Variants in SRFBP1 observed in about 807,000 individuals in gnomAD.
SRFBP1 encodes serum response factor binding protein 1.
Under a neutral mutation model 45.5 loss-of-function variants are expected in SRFBP1, and 47 were observed. The ratio of observed to expected loss-of-function variants is 1.03; its 90% confidence interval spans 0.82 to 1.32. The LOEUF is 1.32. Ranked by LOEUF, SRFBP1 falls within the 40% of genes most tolerant of loss-of-function variation. SRFBP1 has a pLI of 0.00. For missense variants in SRFBP1, 621 were observed against 484.6 expected (o/e 1.28, Z -2.64); for synonymous variants, 203 against 166.3 (o/e 1.22, Z -1.70).
intron 2 of SRFBP1, among the ~76,000 whole-genome samples, chr5:122,061,831 A>G (rs533621017): frequency 9.2e-5 from 14 of 152,150 alleles, no homozygotes; most frequent in African/African-American, 2.4e-4. Context: ...AGTTTTTTAG[A>G]AAGTGAAGCA....
chr5:122,024,857 A>G (rs1056092758), intron 7 of SRFBP1, among the ~76,000 whole-genome samples: 1 of 152,068 alleles, frequency 6.6e-6, no homozygotes, highest in African/African-American at 2.4e-5. Context: ...TACATATACA[A>G]CTCTATGTAA....
At chr5:122,019,907 A>T (rs1251810052) in intron 5 of SRFBP1, among the ~76,000 whole-genome samples, 181 bp from the exon 6 acceptor site, 1 of 152,084 alleles carries the variant, frequency 6.6e-6, no homozygotes, top group Non-Finnish European at 1.5e-5. Context: ...AGCATATCTT[A>T]TGTTTGGTTT....
At chr5:122,068,957 C>T (rs1268115882) in intron 2 of SRFBP1, among the ~76,000 whole-genome samples, 1 of 152,046 alleles carries the variant, frequency 6.6e-6, no homozygotes, top group Non-Finnish European at 1.5e-5. Context: ...GTTGGTTCTA[C>T]TATAACCAAC....
At chr5:121,995,761 G>A (rs933832668) in intron 4 of SRFBP1, among the ~76,000 whole-genome samples, 48 of 151,544 alleles carry the variant, frequency 3.2e-4, no homozygotes, top group South Asian at 1.0e-3. Flanking sequence ...TTGATAGACC[G>A]CTAGCAAGAC....
intron 3 of SRFBP1, among the ~76,000 whole-genome samples, chr5:121,990,824 T>C (rs1221396968): frequency 1.3e-5 from 2 of 152,210 alleles, no homozygotes; most frequent in Non-Finnish European, 2.9e-5. Flanking sequence ...CTACATGTCT[T>C]ATTGCCTGAC....
At chr5:121,987,152 G>A (rs1354022472) in intron 3 of SRFBP1, among the ~76,000 whole-genome samples, 1 of 152,074 alleles carries the variant, frequency 6.6e-6, no homozygotes, top group East Asian at 1.9e-4. Flanking sequence ...GAACGTAGGA[G>A]TAGGATAATG....
Position 121,961,989 on chromosome 5 carries a change from CG to C in SRFBP1, c.-42del. ...GCGACGCAGCCGCGGTCTGAGAGAC[CG>C]GTTCACGTGCAGGCAGCGGCGGATC... is the stretch of plus-strand genomic sequence containing the variant. On this transcript the variant is annotated 5_prime_UTR_variant, in exon 1 of 8. Transcript: ENST00000339397. 6.2e-7 allele frequency: 1 copy of C among 1,613,272 alleles called. No individual in the cohort carries two copies. Among genetic ancestry groups the C allele is most frequent in the Non-Finnish European group, 8.5e-7 (1 of 1,179,760 alleles).
chr5:121,976,200 G>C (rs1448192323), intron 3 of SRFBP1, among the ~76,000 whole-genome samples: 1 of 151,976 alleles, frequency 6.6e-6, no homozygotes, highest in Non-Finnish European at 1.5e-5. Context: ...GGATAGTAAA[G>C]TGTTTAATAG....
chr5:122,011,843 TA>T (rs1381368070), intron 4 of SRFBP1, among the ~76,000 whole-genome samples: 1 of 151,988 alleles, frequency 6.6e-6, no homozygotes, highest in Non-Finnish European at 1.5e-5. Context: ...CCCAGTGCAG[TA>T]AGCAAGGTGC....
At chr5:122,018,392 TA>T (rs1753229175) in intron 4 of SRFBP1, among the ~76,000 whole-genome samples, 1 of 152,162 alleles carries the variant, frequency 6.6e-6, no homozygotes, top group South Asian at 2.1e-4. Flanking sequence ...TGGTTCTGGA[TA>T]TATTTTACAT....
downstream of SRFBP1, chr5:122,077,971 C>A: frequency 6.8e-7 from 1 of 1,462,998 alleles, no homozygotes; most frequent in South Asian, 1.5e-5. The surrounding 1 kb of genome is among the most constrained non-coding windows in gnomAD (Gnocchi z 4.9). Context: ...GGAGCACGGT[C>A]CAGGCGAAGC....
At chr5:122,070,394 T>A (rs980340419) in intron 2 of SRFBP1, 3 of 698,188 alleles carry the variant, frequency 4.3e-6, no homozygotes, top group African/African-American at 1.8e-5. Context: ...TGAGGATGTA[T>A]AATTGCTTCC....
Position 122,020,313 on chromosome 5 carries a change from A to G in SRFBP1, c.578A>G (p.His193Arg), listed in dbSNP as rs769393744. The G allele has an allele frequency of 5.6e-6, 9 of 1,613,336 alleles. No homozygotes were observed. The Admixed American group carries it at 6.7e-5, about 12-fold the overall frequency. ...NSKEKIAKME[H>R]GPKAVTIANS... The stretch of plus-strand genomic sequence containing the variant: ...AAGGAAAAAATAGCAAAGATGGAAC[A>G]TGGACCTAAAGCAGTGACTATTGCA... Residue 193 changes from histidine (H) to arginine (R), a missense_variant, in exon 6 of 8, where the codon CAT becomes CGT. Physicochemically the swap from His to Arg is conservative, Grantham distance 29. Transcript: ENST00000339397.
chr5:122,020,146 G>A lies in SRFBP1; in HGVS notation c.411G>A (p.Lys137=). The A allele has an allele frequency of 2.5e-6, 4 of 1,594,614 alleles. No homozygotes were observed. The highest frequency in any genetic ancestry group is 3.4e-6 in the Non-Finnish European group (4 of 1,173,484). Residue 137 remains lysine (K), a synonymous_variant, in exon 6 of 8, where the codon AAG becomes AAA. Coordinates refer to ENST00000339397, the MANE Select transcript of SRFBP1 (RefSeq NM_152546.3). ...RQNVAEVESS[K]NASEDNHSEN... ...ATGTTGCTGAAGTTGAGTCATCAAA[G>A]AATGCTTCAGAGGACAATCATTCTG...
chr5:122,077,640 G>A, downstream of SRFBP1: 1 of 1,610,380 alleles, frequency 6.2e-7, no homozygotes, highest in Non-Finnish European at 8.5e-7. This position sits in a 1 kb window ranked among gnomAD's most constrained non-coding sequence, Gnocchi z 4.9. Context: ...GGCCTGGGGC[G>A]GCCAGCGGTG....
At chr5:121,998,019 G>A (rs1374013395) in intron 4 of SRFBP1, among the ~76,000 whole-genome samples, 3 of 152,062 alleles carry the variant, frequency 2.0e-5, no homozygotes, top group South Asian at 4.2e-4. Context: ...GGAAACAACA[G>A]GTGCTGGAGA....
intron 3 of SRFBP1, among the ~76,000 whole-genome samples, chr5:121,976,884 T>C (rs1457298371): frequency 6.7e-6 from 1 of 150,256 alleles, no homozygotes; most frequent in Non-Finnish European, 1.5e-5. Context: ...ATAAAAAATA[T>C]ATACATACAC....
intron 4 of SRFBP1, among the ~76,000 whole-genome samples, chr5:122,007,388 G>T (rs1026859279): frequency 6.6e-6 from 1 of 151,312 alleles, no homozygotes; most frequent in Non-Finnish European, 1.5e-5. Context: ...GGGGCTGGCT[G>T]GGTATCAAGG....
intron 2 of SRFBP1, among the ~76,000 whole-genome samples, chr5:122,046,315 T>C (rs1214597973): frequency 6.8e-4 from 103 of 152,088 alleles, no homozygotes; most frequent in East Asian, 1.9e-4. Context: ...TTTGTCCTTG[T>C]GATAGTTTGC....
Sources: gnomAD v4.1 joint callset for allele counts (sites outside exome capture counted in the v4.1 genomes callset) on GRCh38, gnomAD v4.1.1 for gene constraint, Gnocchi (gnomAD v3.1) non-coding constraint, MANE v1.5 for transcripts, NCBI Gene and HGNC (gene_info 2026-07-23, HGNC 2026-07-21) for gene names.